The following LRRC58 variants were observed in gnomAD, a reference collection of about 807,000 sequenced individuals.
LRRC58 encodes the protein leucine rich repeat containing 58, also known as leucine-rich repeat-containing protein 58.
LRRC58 carries 18 observed loss-of-function variants against 30.6 expected under a neutral mutation model. The ratio of observed to expected loss-of-function variants is 0.59; its 90% confidence interval spans 0.41 to 0.87. LRRC58 has a LOEUF of 0.87. Among genes scored for constraint, LRRC58 ranks in the 40% least tolerant of loss-of-function variants. The pLI, the probability that LRRC58 is intolerant of heterozygous loss-of-function variation, is 0.00. For missense variants in LRRC58, 420 were observed against 468.4 expected, an observed-to-expected ratio of 0.90 and a Z score of 0.95; for synonymous variants, 221 against 206.0, an observed-to-expected ratio of 1.07 and a Z score of -0.62.
At position 120,325,054 on chromosome 3, in the gene LRRC58, C is replaced by T. The variant is rs1935654829; in HGVS notation, c.*6146G>A. ...ATGCTGCTTATCTAAAACTTTTCTC[C>T]CATTATGTTTTTGTTTCTCATGAAT... On this transcript the variant is annotated 3_prime_UTR_variant, in exon 4 of 4. Transcript: ENST00000295628. 1 of 152,112 alleles carries T rather than the reference C, an allele frequency of 6.6e-6. No homozygotes were observed. Among genetic ancestry groups the T allele is most frequent in the South Asian group, 2.1e-4 (1 of 4,830 alleles). 9.4% of individuals were successfully genotyped at this position (152,112 alleles called of 1,614,324 possible).
At chr3:120,346,493 G>C (rs1294054832) in intron 1 of LRRC58, among the ~76,000 whole-genome samples, 2 of 152,118 alleles carry the variant, frequency 1.3e-5, no homozygotes, top group African/African-American at 2.4e-5. Flanking sequence ...TCATCTTATG[G>C]CATCATTGTG....
At chr3:120,331,494 A>G (rs1307056311) in intron 3 of LRRC58, 86 bp from the exon 4 acceptor site, 1 of 961,214 alleles carries the variant, frequency 1.0e-6, no homozygotes. Flanking sequence ...TTCTGGAGAA[A>G]TGTCATACAC....
chr3:120,331,655 A>G lies in LRRC58; in HGVS notation c.908-247T>C, dbSNP rs112454812. On this transcript the variant is annotated intron_variant, in intron 3 of 3. Transcript: ENST00000295628. ...AGCAGGCACAGAAAGGACACTGTGT[A>G]CCTAGCTTCTTTTCTCTGGGAGACT... Among the ~76,000 whole-genome samples, 263 of 152,280 alleles carry G rather than the reference A, an allele frequency of 1.7e-3. 1 individual carries two copies. The highest frequency in any genetic ancestry group is 6.2e-3 in the African/African-American group (258 of 41,558).
At position 120,348,878 on chromosome 3, in the gene LRRC58, G is replaced by A. The variant is rs1199891818; in HGVS notation, c.366C>T (p.Leu122=). ...AGTTGCCGCTGAGGTTGAGCACCTG[G>A]AGGCTGCGGCAGAGCGGCGACTGGG... ...GLAQSPLCRS[L]QVLNLSGNCF... The change falls in exon 1 of 4, where the codon CTC becomes CTT. Residue 122 remains leucine (L), a synonymous_variant. Transcript: ENST00000295628. 1 of 1,594,654 alleles carries A rather than the reference G, an allele frequency of 6.3e-7. No individual in the cohort carries two copies. The highest frequency in any genetic ancestry group is 8.5e-7 in the Non-Finnish European group (1 of 1,171,880).
At chr3:120,348,604 G>T in intron 1 of LRRC58, 140 bp downstream of exon 1, 1 of 950,814 alleles carries the variant, frequency 1.1e-6, no homozygotes, top group Non-Finnish European at 1.5e-6. Flanking sequence ...TGAGATGGTT[G>T]GGCAGAACTC....
Position 120,330,044 on chromosome 3 carries a change from C to G in LRRC58, c.*1156G>C, listed in dbSNP as rs1024149568. 1.3e-5 allele frequency: 2 copies of G among 151,700 alleles called. No homozygotes were observed. Among genetic ancestry groups the G allele is most frequent in the African/African-American group, 4.8e-5 (2 of 41,322 alleles). The allele number at this position is 151,700 out of a possible 1,614,324, so 9.4% of individuals were successfully genotyped here. On this transcript the variant is annotated 3_prime_UTR_variant, in exon 4 of 4. Coordinates refer to ENST00000295628, the MANE Select transcript of LRRC58 (RefSeq NM_001099678.2). ...GTTAAAGTAGTTCTGGAAACTGTTC[C>G]ATTAGGTATAAGGACAATGACTCCT...
chr3:120,347,237 T>A (rs888785604), intron 1 of LRRC58, among the ~76,000 whole-genome samples: 1 of 152,154 alleles, frequency 6.6e-6, no homozygotes, highest in African/African-American at 2.4e-5. Context: ...TAAATATCTA[T>A]TGAAGAGTAA....
At position 120,334,983 on chromosome 3, in the gene LRRC58, G is replaced by A; in HGVS notation, c.786C>T (p.Leu262=). ...TAATGGTCCGTGCAGCTAATTCCAGGAGAGTTGGAGGATCATAGGTTAAAT... is the reference window on the plus strand; with the variant it reads ...TAATGGTCCGTGCAGCTAATTCCAGAAGAGTTGGAGGATCATAGGTTAAAT... ...VRDLTYDPPT[L]LELAARTIKI... Residue 262 remains leucine (L), a synonymous_variant, in exon 3 of 4, where the codon CTC becomes CTT. Transcript: ENST00000295628. 1.2e-6 allele frequency: 2 copies of A among 1,613,900 alleles called. No individual in the cohort carries two copies. The highest frequency in any genetic ancestry group is 2.7e-5 in the African/African-American group (2 of 75,026).
Position 120,329,701 on chromosome 3 carries a change from G to A in LRRC58, c.*1499C>T, listed in dbSNP as rs1004904432. 1 of 84,106 alleles carries A rather than the reference G, an allele frequency of 1.2e-5. No individual in the cohort carries two copies. The highest frequency in any genetic ancestry group is 2.2e-5 in the Non-Finnish European group (1 of 44,910). 5.2% of individuals were successfully genotyped at this position (84,106 alleles called of 1,614,324 possible). On this transcript the variant is annotated 3_prime_UTR_variant, in exon 4 of 4. Transcript: ENST00000295628. ...TTTTAAGAAATGGTGTGCCATGAAT[G>A]CCAGAAATCAGAAAAGGTACACCTG...
Position 120,328,054 on chromosome 3 carries a change from TTAAATG to T in LRRC58, c.*3140_*3145del, listed in dbSNP as rs1201120425. ...GTGCCACCGTGCCAAGTCTTTACTT[TTAAATG>T]TGGTAACTTGAAGCTCTAAATATCA... On this transcript the variant is annotated 3_prime_UTR_variant, in exon 4 of 4. Coordinates refer to ENST00000295628, the MANE Select transcript of LRRC58 (RefSeq NM_001099678.2). The T allele has an allele frequency of 6.6e-6, 1 of 152,210 alleles. No individual in the cohort carries two copies. Among genetic ancestry groups the T allele is most frequent in the Non-Finnish European group, 1.5e-5 (1 of 68,042 alleles). The allele number at this position is 152,210 out of a possible 1,614,324, so 9.4% of individuals were successfully genotyped here. A position where few individuals can be genotyped will look rare whatever the true frequency, so the allele number is the denominator to read the frequency against.
intron 3 of LRRC58, among the ~76,000 whole-genome samples, chr3:120,332,577 G>A (rs1437388829): frequency 1.3e-5 from 2 of 152,054 alleles, no homozygotes; most frequent in South Asian, 2.1e-4. Flanking sequence ...GAGTTACTAC[G>A]AACTAAAGCA....
rs191991890 is a variant in LRRC58 at position 120,324,566 on chromosome 3, A to C, written c.*6634T>G. The stretch of plus-strand genomic sequence containing the variant: ...AATGATGTAACAAGTAATCAGGCAA[A>C]TATCAACATTATAGAGACTTTAATA... On this transcript the variant is annotated 3_prime_UTR_variant, in exon 4 of 4. Coordinates refer to ENST00000295628, the MANE Select transcript of LRRC58 (RefSeq NM_001099678.2). 3 of 152,352 alleles carry C rather than the reference A, an allele frequency of 2.0e-5. No individual in the cohort carries two copies. The highest frequency in any genetic ancestry group is 7.2e-5 in the African/African-American group (3 of 41,586). 9.4% of individuals were successfully genotyped at this position (152,352 alleles called of 1,614,324 possible).
chr3:120,330,133 G>C lies in LRRC58; in HGVS notation c.*1067C>G, dbSNP rs1935734334. The C allele has an allele frequency of 6.6e-6, 1 of 151,990 alleles. No homozygotes were observed. Among genetic ancestry groups the C allele is most frequent in the Admixed American group, 6.6e-5 (1 of 15,262 alleles). The allele number at this position is 151,990 out of a possible 1,614,324, so 9.4% of individuals were successfully genotyped here. Reference sequence around the variant, plus strand: ...AGTTGTATTAGTTTTTCTTTAAAAAGTAGAGAAAGATGGTCCAGTACATGA... The same window carrying C: ...AGTTGTATTAGTTTTTCTTTAAAAACTAGAGAAAGATGGTCCAGTACATGA... On this transcript the variant is annotated 3_prime_UTR_variant, in exon 4 of 4. Coordinates refer to ENST00000295628, the MANE Select transcript of LRRC58 (RefSeq NM_001099678.2).
chr3:120,338,867 G>A (rs988667175), intron 1 of LRRC58, among the ~76,000 whole-genome samples: 1 of 152,212 alleles, frequency 6.6e-6, no homozygotes, highest in African/African-American at 2.4e-5. Flanking sequence ...TTTGGCTATT[G>A]AGTGGCAAAC....
At position 120,348,990 on chromosome 3, in the gene LRRC58, G is replaced by C. The variant is rs1462321471; in HGVS notation, c.254C>G (p.Pro85Arg). ...CAGGCCGCGCAGAGCGAGCAGCTCC[G>C]GCCCGAGCGCGGTCAACGCGTTGCC... ...VSGNALTALGPELLALRGLRT... is the reference protein window; with the variant it reads ...VSGNALTALGRELLALRGLRT... Residue 85 changes from proline (P) to arginine (R), a missense_variant, in exon 1 of 4, where the codon CCG (proline) becomes CGG (arginine). Transcript: ENST00000295628. The C allele has an allele frequency of 2.0e-6, 3 of 1,527,094 alleles. No individual in the cohort carries two copies. The highest frequency in any genetic ancestry group is 2.8e-5 in the African/African-American group (2 of 70,516). 94.6% of individuals were successfully genotyped at this position (1,527,094 alleles called of 1,614,324 possible). A position where few individuals can be genotyped will look rare whatever the true frequency, so the allele number is the denominator to read the frequency against.
chr3:120,327,256 T>C lies in LRRC58; in HGVS notation c.*3944A>G, dbSNP rs1391856070. The C allele has an allele frequency of 1.4e-5, 2 of 140,842 alleles. No homozygotes were observed. The highest frequency in any genetic ancestry group is 3.1e-5 in the Non-Finnish European group (2 of 65,234). 8.7% of individuals were successfully genotyped at this position (140,842 alleles called of 1,614,324 possible). ...TGGCTTCTAAAGATTTCTTTTTTTT[T>C]TTTTTTTTTTTTTGAGACGGAGTCT... On this transcript the variant is annotated 3_prime_UTR_variant, in exon 4 of 4. Transcript: ENST00000295628.
At position 120,324,650 on chromosome 3, in the gene LRRC58, A is replaced by G. The variant is rs778469548; in HGVS notation, c.*6550T>C. ...AATAAGGCACAATGTTTGATATGGC[A>G]AAATTCACAGAGGATTGGTTAATAT... is the stretch of plus-strand genomic sequence containing the variant. On this transcript the variant is annotated 3_prime_UTR_variant, in exon 4 of 4. Coordinates refer to ENST00000295628, the MANE Select transcript of LRRC58 (RefSeq NM_001099678.2). The G allele has an allele frequency of 1.8e-4, 27 of 152,248 alleles. No homozygotes were observed. The highest frequency in any genetic ancestry group is 3.4e-4 in the Non-Finnish European group (23 of 68,038). 9.4% of individuals were successfully genotyped at this position (152,248 alleles called of 1,614,324 possible). A position where few individuals can be genotyped will look rare whatever the true frequency, so the allele number is the denominator to read the frequency against.
At position 120,330,500 on chromosome 3, in the gene LRRC58, G is replaced by A. The variant is rs142809861; in HGVS notation, c.*700C>T. 140 of 152,184 alleles carry A rather than the reference G, an allele frequency of 9.2e-4. 1 individual carries two copies. Among genetic ancestry groups the A allele is most frequent in the African/African-American group, 3.3e-3 (136 of 41,536 alleles). 9.4% of individuals were successfully genotyped at this position (152,184 alleles called of 1,614,324 possible). A position where few individuals can be genotyped will look rare whatever the true frequency, so the allele number is the denominator to read the frequency against. On this transcript the variant is annotated 3_prime_UTR_variant, in exon 4 of 4. Coordinates refer to ENST00000295628, the MANE Select transcript of LRRC58 (RefSeq NM_001099678.2). The stretch of plus-strand genomic sequence containing the variant: ...TTCTTGAATACATTTTTATATCCTT[G>A]CTGGATTAAGGCACTATAACAGTCA...
intron 2 of LRRC58, among the ~76,000 whole-genome samples, chr3:120,335,522 A>C (rs1935824659): frequency 6.6e-6 from 1 of 152,250 alleles, no homozygotes; most frequent in Admixed American, 6.5e-5. Flanking sequence ...ATTAGGATAG[A>C]AATGTTTCAT....
Sources: allele counts gnomAD v4.1 joint callset (sites outside exome capture counted in the v4.1 genomes callset), GRCh38; gene constraint gnomAD v4.1.1; transcripts MANE v1.5; gene names NCBI Gene and HGNC (gene_info 2026-07-23, HGNC 2026-07-21).